Variants in ZHX2 observed in about 807,000 individuals in gnomAD.
The protein encoded by ZHX2 is zinc fingers and homeoboxes protein 2.
Under a neutral mutation model 21.9 loss-of-function variants are expected in ZHX2, and 6 were observed. The observed-to-expected ratio is 0.27, with a 90% CI of 0.15 to 0.54. The LOEUF is 0.54. Ranked by LOEUF, ZHX2 falls within the 20% of genes least tolerant of loss-of-function variation. The pLI is 0.95. For missense variants in ZHX2, 908 were observed against 1,090.7 expected (o/e 0.83, Z 2.36); for synonymous variants, 434 against 437.1 (o/e 0.99, Z 0.09).
chr8:122,887,131 G>C (rs143794641), intron 2 of ZHX2, among the ~76,000 whole-genome samples: 1 of 151,762 alleles, frequency 6.6e-6, no homozygotes, highest in Non-Finnish European at 1.5e-5. Flanking sequence ...TGGGTGTGAA[G>C]TGCATGAGTG....
intron 1 of ZHX2, among the ~76,000 whole-genome samples, chr8:122,846,792 A>G (rs902237408): frequency 6.6e-6 from 1 of 152,138 alleles, no homozygotes; most frequent in East Asian, 1.9e-4. Flanking sequence ...CAACACCAAC[A>G]ATAGGCATTT....
At chr8:122,800,453 C>T (rs1332001297) in intron 1 of ZHX2, among the ~76,000 whole-genome samples, 1 of 152,222 alleles carries the variant, frequency 6.6e-6, no homozygotes, top group Non-Finnish European at 1.5e-5. Context: ...AAGGGAGTAT[C>T]TGTGTCCTGG....
chr8:122,911,184 G>A (rs375084074), intron 2 of ZHX2, among the ~76,000 whole-genome samples: 4 of 151,462 alleles, frequency 2.6e-5, no homozygotes, highest in South Asian at 2.1e-4. Context: ...GGGCAGCCCC[G>A]TAGTCCTGTT....
At chr8:122,874,148 G>A (rs1010228567) in intron 2 of ZHX2, among the ~76,000 whole-genome samples, 17 of 152,054 alleles carry the variant, frequency 1.1e-4, no homozygotes, top group African/African-American at 2.4e-4. Context: ...TGAACCATGC[G>A]TTGAGATCAC....
In ZHX2 at chr8:122,922,978, C is replaced by A. The variant is rs80282425; in HGVS notation, c.-219-28314C>A. Among the ~76,000 whole-genome samples the A allele has an allele frequency of 3.6e-3, 550 of 152,346 alleles. 2 individuals carry two copies. The highest frequency in any genetic ancestry group is 0.011 in the African/African-American group (468 of 41,574). On this transcript the variant is annotated intron_variant, in intron 2 of 3. Coordinates refer to ENST00000314393, the MANE Select transcript of ZHX2 (RefSeq NM_014943.5). ...AGTTCAGCCTCTGTCTTCCAGCTGA[C>A]AGAGCCAACCAGGTGGCCCTATCAG... is the stretch of plus-strand genomic sequence containing the variant.
chr8:122,885,478 A>AGATCGCGCCACTGCACTCCAGCCTGGGC (rs1819817728), intron 2 of ZHX2, among the ~76,000 whole-genome samples: 1 of 152,130 alleles, frequency 6.6e-6, no homozygotes, highest in African/African-American at 2.4e-5. Context: ...AGAGCGTAGG[A>AGATCGCGCCACTGCACTCCAGCCTGGGC]GTTTTCTTGG....
chr8:122,853,574 C>G (rs972324242), intron 1 of ZHX2, among the ~76,000 whole-genome samples: 3 of 152,180 alleles, frequency 2.0e-5, no homozygotes, highest in African/African-American at 7.2e-5. Context: ...TCCACCTTCC[C>G]TCGTCTCAGC....
At chr8:122,915,611 C>T (rs1820582048) in intron 2 of ZHX2, among the ~76,000 whole-genome samples, 1 of 152,214 alleles carries the variant, frequency 6.6e-6, no homozygotes, top group African/African-American at 2.4e-5. Flanking sequence ...GAAAACATTT[C>T]CTCCTTCAGT....
At chr8:122,864,036 C>G (rs1043440060) in intron 2 of ZHX2, among the ~76,000 whole-genome samples, 1 of 151,870 alleles carries the variant, frequency 6.6e-6, no homozygotes, top group African/African-American at 2.4e-5. Flanking sequence ...GGAAACATTC[C>G]TAACAGAAGA....
chr8:122,949,514 A>T (rs1195526486), intron 2 of ZHX2, among the ~76,000 whole-genome samples: 1 of 152,004 alleles, frequency 6.6e-6, no homozygotes, highest in Non-Finnish European at 1.5e-5. Context: ...AAACAATCCA[A>T]CCTTATTGTC....
chr8:122,798,446 G>T (rs796956456), intron 1 of ZHX2, among the ~76,000 whole-genome samples: 1 of 152,118 alleles, frequency 6.6e-6, no homozygotes, highest in Non-Finnish European at 1.5e-5. Flanking sequence ...ATGGTGGTGC[G>T]TTGGAATTTT....
At chr8:122,780,684 G>C (rs550879909), upstream of ZHX2, 1 of 152,350 alleles carries the variant, frequency 6.6e-6, no homozygotes, top group South Asian at 2.1e-4. Context: ...GGCGCCTAGG[G>C]GAACCTGGGG....
rs28504452 is a variant in ZHX2, at chr8:122,843,639, C to T, written c.-282-19838C>T. 7.2e-3 allele frequency among the ~76,000 whole-genome samples: 1,089 copies of T among 152,280 alleles called. 14 individuals are homozygous for T. Among genetic ancestry groups the T allele is most frequent in the African/African-American group, 0.024 (1,004 of 41,556 alleles). The stretch of plus-strand genomic sequence containing the variant: ...TGAACTGCTGCCGGATCTGGGGAGA[C>T]CCCACTTTAGTGGGTTTCTGCCTCG... On this transcript the variant is annotated intron_variant, in intron 1 of 3. Coordinates refer to ENST00000314393, the MANE Select transcript of ZHX2 (RefSeq NM_014943.5).
chr8:122,955,545 T>C (rs1206346995), intron 3 of ZHX2, among the ~76,000 whole-genome samples: 1 of 152,102 alleles, frequency 6.6e-6, no homozygotes, highest in Admixed American at 6.5e-5. Flanking sequence ...CTAGAAACCT[T>C]GTTTTAGCCA....
At chr8:122,784,156 G>T (rs760815017) in intron 1 of ZHX2, among the ~76,000 whole-genome samples, 1 of 152,208 alleles carries the variant, frequency 6.6e-6, no homozygotes, top group African/African-American at 2.4e-5. Flanking sequence ...ATGCTGAAAG[G>T]TGGCCCCACC....
intron 1 of ZHX2, among the ~76,000 whole-genome samples, chr8:122,784,874 C>T (rs1817362196): frequency 6.6e-6 from 1 of 152,204 alleles, no homozygotes; most frequent in African/African-American, 2.4e-5. Flanking sequence ...AACACACACA[C>T]TCTGCTGTTG....
rs552958814 is a variant in ZHX2, at chr8:122,872,594, G to A, written c.-220+9055G>A. Among the ~76,000 whole-genome samples, 9 of 152,246 alleles carry A rather than the reference G, an allele frequency of 5.9e-5. No individual in the cohort carries two copies. The South Asian group carries it at 8.3e-4, about 14-fold the overall frequency. ...GTGCCCTGGCCTAACCCCCCGTTCC[G>A]TGATATTTCAGAGCTCAAAGTTTCT... On this transcript the variant is annotated intron_variant, in intron 2 of 3. Coordinates refer to ENST00000314393, the MANE Select transcript of ZHX2 (RefSeq NM_014943.5).
intron 1 of ZHX2, among the ~76,000 whole-genome samples, chr8:122,797,400 G>C (rs1817632911): frequency 6.6e-6 from 1 of 152,190 alleles, no homozygotes; most frequent in East Asian, 1.9e-4. Flanking sequence ...GCCGCAAGGA[G>C]CCTGGAGACT....
intron 2 of ZHX2, among the ~76,000 whole-genome samples, chr8:122,931,542 A>G (rs1820993719): frequency 6.6e-6 from 1 of 152,214 alleles, no homozygotes; most frequent in Admixed American, 6.5e-5. Context: ...GCAGCTTCAA[A>G]GTAAGATCTT....
Sources: allele counts gnomAD v4.1 joint callset (sites outside exome capture counted in the v4.1 genomes callset), GRCh38; gene constraint gnomAD v4.1.1; transcripts MANE v1.5; gene names NCBI Gene and HGNC (gene_info 2026-07-23, HGNC 2026-07-21).